Variants in TRDN observed in about 807,000 individuals in gnomAD.
TRDN encodes the protein triadin, also known as triadin in skeletal muscle.
TRDN carries 161 observed loss-of-function variants against 149.7 expected under a neutral mutation model. The observed-to-expected ratio is 1.08, with a 90% CI of 0.95 to 1.23. TRDN has a LOEUF of 1.23. Among genes scored for constraint, TRDN ranks in the 50% most tolerant of loss-of-function variants. The pLI is 0.00. For missense variants in TRDN, 896 were observed against 823.5 expected, an observed-to-expected ratio of 1.09 and a Z score of -1.08; for synonymous variants, 294 against 250.5, an observed-to-expected ratio of 1.17 and a Z score of -1.64.
intron 1 of TRDN, among the ~76,000 whole-genome samples, chr6:123,585,479 T>C (rs186092221): frequency 6.5e-4 from 99 of 152,136 alleles, no homozygotes; most frequent in African/African-American, 2.3e-3. Context: ...GACTTATCCT[T>C]CACTGTTAGA....
At chr6:123,408,613 G>A (rs879778871) in intron 12 of TRDN, among the ~76,000 whole-genome samples, 1 of 151,628 alleles carries the variant, frequency 6.6e-6, no homozygotes, top group Non-Finnish European at 1.5e-5. Context: ...AGGACGCAGA[G>A]GTTGCAGTGA....
intron 12 of TRDN, among the ~76,000 whole-genome samples, chr6:123,408,607 C>T (rs925292540): frequency 1.7e-4 from 26 of 150,996 alleles, no homozygotes; most frequent in South Asian, 6.3e-4. Context: ...GAACCCAGGA[C>T]GCAGAGGTTG....
At chr6:123,575,295 A>C (rs1782797736) in intron 1 of TRDN, among the ~76,000 whole-genome samples, 1 of 152,008 alleles carries the variant, frequency 6.6e-6, no homozygotes, top group Admixed American at 6.6e-5. Flanking sequence ...GTACCTTTCA[A>C]TTTCCATTCA....
rs59953395 is a variant in TRDN at position 123,615,537 on chromosome 6, T to TAC, written c.22+21215_22+21216dup. Among the ~76,000 whole-genome samples the TAC allele has an allele frequency of 4.0e-3, 600 of 149,058 alleles. 2 individuals are homozygous for TAC. The highest frequency in any genetic ancestry group is 0.01 in the Middle Eastern group (3 of 292). On this transcript the variant is annotated intron_variant, in intron 1 of 40. Transcript: ENST00000334268. ...CATTCACGTTTGAAAAACATGTATA[T>TAC]ACACACACACACACACACACACAAT... is the stretch of plus-strand genomic sequence containing the variant.
At chr6:123,410,672 A>C (rs1189636815) in intron 12 of TRDN, among the ~76,000 whole-genome samples, 1 of 152,148 alleles carries the variant, frequency 6.6e-6, no homozygotes, top group Non-Finnish European at 1.5e-5. Flanking sequence ...TTTTACTAAA[A>C]TGATAGTGGA....
At chr6:123,409,016 A>G (rs892740941) in intron 12 of TRDN, among the ~76,000 whole-genome samples, 10 of 152,188 alleles carry the variant, frequency 6.6e-5, no homozygotes, top group East Asian at 5.8e-4. Flanking sequence ...AGAGAAACCA[A>G]TCTAAGTTAG....
chr6:123,589,227 A>G (rs1459398905), intron 1 of TRDN, among the ~76,000 whole-genome samples: 1 of 152,230 alleles, frequency 6.6e-6, no homozygotes, highest in African/African-American at 2.4e-5. Flanking sequence ...TCACGGATAT[A>G]GTAGCAAGGC....
chr6:123,535,656 C>T (rs1054757921), intron 4 of TRDN, among the ~76,000 whole-genome samples: 4 of 152,130 alleles, frequency 2.6e-5, no homozygotes, highest in African/African-American at 9.7e-5. Context: ...ATCTTCCTCA[C>T]ACAGACTGTT....
chr6:123,404,750 T>G (rs1393260463), intron 12 of TRDN, among the ~76,000 whole-genome samples: 1 of 152,200 alleles, frequency 6.6e-6, no homozygotes, highest in Non-Finnish European at 1.5e-5. Context: ...TCCCATGGAC[T>G]GTTCTTTAGT....
At chr6:123,311,317 C>G (rs572398605) in intron 24 of TRDN, among the ~76,000 whole-genome samples, 2 of 152,018 alleles carry the variant, frequency 1.3e-5, no homozygotes, top group African/African-American at 4.8e-5. Flanking sequence ...CCCCATGATC[C>G]AATCACCTCC....
chr6:123,402,724 T>C (rs1292827298), intron 12 of TRDN, among the ~76,000 whole-genome samples: 2 of 152,040 alleles, frequency 1.3e-5, no homozygotes, highest in Non-Finnish European at 2.9e-5. Flanking sequence ...ACAATGTCAC[T>C]GGAATACTCT....
chr6:123,636,623 C>T, intron 1 of TRDN, 131 bp downstream of exon 1: 1 of 1,024,572 alleles, frequency 9.8e-7, no homozygotes. Flanking sequence ...TTCTCAGATC[C>T]TGTATAGAAT....
chr6:123,273,773 G>T (rs1000485380), intron 27 of TRDN, among the ~76,000 whole-genome samples: 1 of 151,952 alleles, frequency 6.6e-6, no homozygotes, highest in Non-Finnish European at 1.5e-5. Flanking sequence ...TTGATTTGTT[G>T]ATATTGAAGA....
At chr6:123,278,811 AT>A (rs1434037965) in intron 25 of TRDN, among the ~76,000 whole-genome samples, 1 of 152,194 alleles carries the variant, frequency 6.6e-6, no homozygotes, top group East Asian at 1.9e-4. Context: ...CTGAGCTGAG[AT>A]TTTTAATGAC....
chr6:123,401,137 T>C (rs1446390818), intron 12 of TRDN, among the ~76,000 whole-genome samples: 7 of 152,212 alleles, frequency 4.6e-5, no homozygotes, highest in Non-Finnish European at 1.0e-4. Context: ...TACGCAGACT[T>C]CTTGAGCCCT....
chr6:123,588,830 T>C (rs145676471), intron 1 of TRDN, among the ~76,000 whole-genome samples: 183 of 152,300 alleles, frequency 1.2e-3, no homozygotes, highest in African/African-American at 4.1e-3. Context: ...AGAAATGCTG[T>C]AAAAGACTAT....
intron 10 of TRDN, among the ~76,000 whole-genome samples, chr6:123,450,848 G>C (rs1775726398): frequency 6.6e-6 from 1 of 152,006 alleles, no homozygotes; most frequent in Admixed American, 6.6e-5. Context: ...CATATGGTAG[G>C]CCATAAAATG....
chr6:123,479,717 C>G (rs1777659385), intron 9 of TRDN, among the ~76,000 whole-genome samples: 1 of 151,998 alleles, frequency 6.6e-6, no homozygotes. Flanking sequence ...GCATAGGGGA[C>G]AGGGAATGAA....
intron 24 of TRDN, among the ~76,000 whole-genome samples, chr6:123,290,561 T>C (rs1777968312): frequency 6.6e-6 from 1 of 152,128 alleles, no homozygotes; most frequent in South Asian, 2.1e-4. Flanking sequence ...TCTTGTTTCT[T>C]AGAAGTGGTC....
Sources: gnomAD v4.1 joint callset for allele counts (sites outside exome capture counted in the v4.1 genomes callset) on GRCh38, gnomAD v4.1.1 for gene constraint, MANE v1.5 for transcripts, NCBI Gene and HGNC (gene_info 2026-07-23, HGNC 2026-07-21) for gene names.